Variants in AGBL1 observed in about 807,000 individuals in gnomAD.
The protein encoded by AGBL1 is cytosolic carboxypeptidase 4.
Under a neutral mutation model 118.9 loss-of-function variants are expected in AGBL1, and 130 were observed. That is an observed-to-expected ratio of 1.09 (90% CI 0.95 to 1.26). AGBL1 has a LOEUF of 1.26. AGBL1 is among the 50% of genes most tolerant of loss of function. The probability of loss-of-function intolerance (pLI) is 0.00; values close to 1 mark genes in which losing one functional copy is unlikely to be tolerated. For missense variants in AGBL1, 1,584 were observed against 1,298.1 expected, an observed-to-expected ratio of 1.22 and a Z score of -3.38; for synonymous variants, 555 against 478.9, an observed-to-expected ratio of 1.16 and a Z score of -2.08.
At chr15:86,417,723 C>G (rs1286557040) in intron 18 of AGBL1, among the ~76,000 whole-genome samples, 1 of 152,086 alleles carries the variant, frequency 6.6e-6, no homozygotes, top group Non-Finnish European at 1.5e-5. Context: ...GCAGTAGAAG[C>G]AGGGAGGTGT....
intron 5 of AGBL1, among the ~76,000 whole-genome samples, chr15:86,210,988 C>T (rs2078086197): frequency 6.6e-6 from 1 of 152,194 alleles, no homozygotes; most frequent in Non-Finnish European, 1.5e-5. Context: ...TGGTGACCTA[C>T]AGATAGGGTT....
At chr15:86,502,241 T>C (rs2082925969) in intron 18 of AGBL1, among the ~76,000 whole-genome samples, 1 of 151,568 alleles carries the variant, frequency 6.6e-6, no homozygotes, top group South Asian at 2.1e-4. Context: ...TTTTAGATTG[T>C]TCATTGCTGA....
chr15:86,594,292 G>A (rs1237745346), intron 21 of AGBL1, among the ~76,000 whole-genome samples: 1 of 152,092 alleles, frequency 6.6e-6, no homozygotes, highest in African/African-American at 2.4e-5. Flanking sequence ...TATGTTGCTA[G>A]AGTCATTTTG....
intron 22 of AGBL1, among the ~76,000 whole-genome samples, chr15:86,849,647 T>A (rs2079376393): frequency 6.6e-6 from 1 of 151,886 alleles, no homozygotes; most frequent in African/African-American, 2.4e-5. Flanking sequence ...ATATCTAGAA[T>A]AGAGAGAGTA....
intron 16 of AGBL1, among the ~76,000 whole-genome samples, chr15:86,288,843 T>A (rs897114685): frequency 1.3e-5 from 2 of 152,146 alleles, no homozygotes; most frequent in African/African-American, 2.4e-5. Context: ...CTGCTGTTTT[T>A]TGTGTTATAT....
chr15:86,781,886 A>T (rs1432532852), intron 22 of AGBL1, among the ~76,000 whole-genome samples: 9 of 147,130 alleles, frequency 6.1e-5, no homozygotes, highest in African/African-American at 2.2e-4. Context: ...GGTTTTGCCC[A>T]TTTTTTTTTT....
At chr15:87,008,247 G>A (rs561659116) in intron 24 of AGBL1, among the ~76,000 whole-genome samples, 2 of 152,260 alleles carry the variant, frequency 1.3e-5, no homozygotes, top group South Asian at 2.1e-4. Flanking sequence ...GTTGTGGGAG[G>A]GACCCAGTGG....
chr15:86,552,877 A>G (rs757879776), intron 20 of AGBL1, among the ~76,000 whole-genome samples: 30 of 152,056 alleles, frequency 2.0e-4, no homozygotes, highest in Non-Finnish European at 3.7e-4. Context: ...TCTGGAGGCT[A>G]TGTAGGAATT....
chr15:86,725,557 T>C (rs1189410120), intron 22 of AGBL1, among the ~76,000 whole-genome samples: 1 of 152,244 alleles, frequency 6.6e-6, no homozygotes, highest in Non-Finnish European at 1.5e-5. Flanking sequence ...AGGCTTGAGA[T>C]AAATTCCTTT....
At chr15:86,331,436 T>C (rs909792595) in intron 17 of AGBL1, among the ~76,000 whole-genome samples, 2 of 151,870 alleles carry the variant, frequency 1.3e-5, no homozygotes, top group Non-Finnish European at 2.9e-5. Flanking sequence ...AGCCTCCAGA[T>C]ACAAGAAATC....
At position 86,140,678 on chromosome 15, in the gene AGBL1, A is replaced by ATT. The variant is rs912389315; in HGVS notation, c.52-1325_52-1324insTT. 2.1e-4 allele frequency among the ~76,000 whole-genome samples: 32 copies of ATT among 152,176 alleles called. No individual in the cohort carries two copies. The East Asian group carries it at 3.9e-3, about 18-fold the overall frequency. ...ACTCCAGACCCAGCTTGGGGGTTGG[A>ATT]TGGGATCTCGTGGAGCTGGAGTGCA... is the stretch of plus-strand genomic sequence containing the variant. On this transcript the variant is annotated intron_variant, in intron 1 of 22. Coordinates refer to ENST00000614907, the MANE Select transcript of AGBL1 (RefSeq NM_001386094.1).
chr15:86,401,322 G>C (rs1345776362), intron 18 of AGBL1, among the ~76,000 whole-genome samples: 2 of 151,740 alleles, frequency 1.3e-5, no homozygotes, highest in African/African-American at 2.4e-5. Context: ...TTGCTAATTT[G>C]TTTGAATTCC....
At chr15:86,513,763 C>T (rs1367338097) in intron 18 of AGBL1, among the ~76,000 whole-genome samples, 2 of 152,006 alleles carry the variant, frequency 1.3e-5, no homozygotes, top group African/African-American at 4.8e-5. Context: ...TTATTTAAAT[C>T]ACTATGAATT....
chr15:86,975,766 A>C (rs2081171331), intron 23 of AGBL1, among the ~76,000 whole-genome samples: 1 of 152,184 alleles, frequency 6.6e-6, no homozygotes, highest in Admixed American at 6.6e-5. Flanking sequence ...TCAATTTTGC[A>C]GGAAAGCATC....
intron 22 of AGBL1, among the ~76,000 whole-genome samples, chr15:86,786,198 T>C (rs1051643733): frequency 2.0e-5 from 3 of 152,164 alleles, no homozygotes; most frequent in African/African-American, 7.2e-5. Flanking sequence ...GCTGGTGTGC[T>C]GCACCCATTA....
intron 7 of AGBL1, among the ~76,000 whole-genome samples, chr15:86,250,525 C>CAAAAAAA (rs60432449): frequency 1.5e-4 from 6 of 38,972 alleles, no homozygotes; most frequent in African/African-American, 1.9e-4. Flanking sequence ...GACTCTGTCT[C>CAAAAAAA]AAAAAAAAAA....
intron 22 of AGBL1, among the ~76,000 whole-genome samples, chr15:86,867,995 C>T (rs1596569196): frequency 6.6e-6 from 1 of 152,226 alleles, no homozygotes; most frequent in African/African-American, 2.4e-5. Context: ...ATGCCTGAAT[C>T]CAGATCATAT....
At chr15:86,423,128 C>A (rs1173681626) in intron 18 of AGBL1, among the ~76,000 whole-genome samples, 1 of 152,122 alleles carries the variant, frequency 6.6e-6, no homozygotes, top group Non-Finnish European at 1.5e-5. Context: ...GGCAGAGACA[C>A]AACAGAAAAG....
At chr15:86,699,386 A>G (rs1044749904) in intron 22 of AGBL1, among the ~76,000 whole-genome samples, 4 of 152,124 alleles carry the variant, frequency 2.6e-5, no homozygotes, top group African/African-American at 9.6e-5. Context: ...ACAATGTACA[A>G]ATCTTACTGA....
Sources: gnomAD v4.1 joint callset for allele counts (sites outside exome capture counted in the v4.1 genomes callset) on GRCh38, gnomAD v4.1.1 for gene constraint, MANE v1.5 for transcripts, NCBI Gene and HGNC (gene_info 2026-07-23, HGNC 2026-07-21) for gene names.